The following CNTNAP2 variants were observed in gnomAD, a reference collection of about 807,000 sequenced individuals.
CNTNAP2 encodes the protein contactin associated protein 2.
In CNTNAP2, 98 loss-of-function variants were observed where a neutral mutation model predicts 155.2. The observed-to-expected ratio is 0.63, with a 90% CI of 0.54 to 0.75. The LOEUF (loss-of-function observed/expected upper bound fraction) is 0.75, where lower values mean the gene tolerates loss of function less well. CNTNAP2 is among the 30% of genes least tolerant of loss of function. The pLI, the probability that CNTNAP2 is intolerant of heterozygous loss-of-function variation, is 0.00. For missense variants in CNTNAP2, 1,727 were observed against 1,688.1 expected, an observed-to-expected ratio of 1.02 and a Z score of -0.40; for synonymous variants, 651 against 631.2, an observed-to-expected ratio of 1.03 and a Z score of -0.47.
chr7:148,060,392 A>G (rs1398706594), intron 15 of CNTNAP2, among the ~76,000 whole-genome samples: 3 of 152,194 alleles, frequency 2.0e-5, no homozygotes, highest in Admixed American at 6.5e-5. Flanking sequence ...ATATTAAATG[A>G]CCTGAAGCTT....
intron 3 of CNTNAP2, among the ~76,000 whole-genome samples, chr7:146,905,995 C>T (rs1026837120): frequency 2.6e-5 from 4 of 152,178 alleles, no homozygotes; most frequent in African/African-American, 7.2e-5. Context: ...ACCTGGGAAG[C>T]GCAAGGGGTC....
At chr7:147,933,540 G>GATAT (rs1554451581) in intron 14 of CNTNAP2, among the ~76,000 whole-genome samples, 1 of 92,904 alleles carries the variant, frequency 1.1e-5, no homozygotes, top group African/African-American at 2.8e-5. Flanking sequence ...TAGATAGATA[G>GATAT]ATATAACAGA....
Position 146,319,177 on chromosome 7 carries a change from T to C in CNTNAP2, c.97+202204T>C, listed in dbSNP as rs1800959386. Among the ~76,000 whole-genome samples, 3 of 152,154 alleles carry C rather than the reference T, an allele frequency of 2.0e-5. No individual in the cohort carries two copies. The South Asian group carries it at 6.2e-4, about 32-fold the overall frequency. ...CTTATCCTCTAGGTCAGATAACTTTTACTGTGCTTAGGATTTTAATGTCTT... is the reference window on the plus strand; with the variant it reads ...CTTATCCTCTAGGTCAGATAACTTTCACTGTGCTTAGGATTTTAATGTCTT... On this transcript the variant is annotated intron_variant, in intron 1 of 23. Coordinates refer to ENST00000361727, the MANE Select transcript of CNTNAP2 (RefSeq NM_014141.6).
At chr7:146,573,502 A>G (rs527618055) in intron 1 of CNTNAP2, among the ~76,000 whole-genome samples, 1 of 152,268 alleles carries the variant, frequency 6.6e-6, no homozygotes, top group East Asian at 1.9e-4. Flanking sequence ...GGGATGACAG[A>G]AACATTGCCT....
At chr7:146,997,531 G>A (rs545850366) in intron 3 of CNTNAP2, among the ~76,000 whole-genome samples, 208 of 152,146 alleles carry the variant, frequency 1.4e-3, no homozygotes, top group African/African-American at 4.7e-3. Context: ...AGTAGTTTGT[G>A]TTCAGATTTA....
At chr7:147,784,208 T>C (rs909521110) in intron 13 of CNTNAP2, among the ~76,000 whole-genome samples, 1 of 151,780 alleles carries the variant, frequency 6.6e-6, no homozygotes, top group African/African-American at 2.4e-5. Flanking sequence ...TGCAATGACC[T>C]GATTTCCAAA....
chr7:146,657,628 G>A (rs2129165217), intron 1 of CNTNAP2, among the ~76,000 whole-genome samples: 1 of 151,884 alleles, frequency 6.6e-6, no homozygotes, highest in South Asian at 2.1e-4. Context: ...TTTGAATACT[G>A]GTTTTGTTCT....
At chr7:147,322,770 T>C (rs1795376749) in intron 9 of CNTNAP2, among the ~76,000 whole-genome samples, 2 of 143,078 alleles carry the variant, frequency 1.4e-5, no homozygotes, top group Non-Finnish European at 3.0e-5. Flanking sequence ...ATTGGTCTAT[T>C]CAGAGATTCA....
At position 148,229,656 on chromosome 7, in the gene CNTNAP2, G is replaced by T. The variant is rs773491586; in HGVS notation, c.3258G>T (p.Gln1086His). ...TTTTTTCTTCTATAGGAAGCTTACA[G>T]ATTCGATACAACCTGGGTGGCACCC... ...AVLVKPTGSLQIRYNLGGTRE... is the reference protein window; with the variant it reads ...AVLVKPTGSLHIRYNLGGTRE... Residue 1086 changes from glutamine (Q) to histidine (H), a missense_variant, in exon 20 of 24, where the codon CAG becomes CAT. Coordinates refer to ENST00000361727, the MANE Select transcript of CNTNAP2 (RefSeq NM_014141.6). 9.9e-6 allele frequency: 16 copies of T among 1,614,024 alleles called. No individual in the cohort carries two copies. The highest frequency in any genetic ancestry group is 1.7e-5 in the Admixed American group (1 of 60,012).
intron 1 of CNTNAP2, among the ~76,000 whole-genome samples, chr7:146,569,971 T>C (rs918369467): frequency 6.6e-6 from 1 of 152,196 alleles, no homozygotes; most frequent in Non-Finnish European, 1.5e-5. Flanking sequence ...CCAAGGCCTA[T>C]TTCAGGGGCT....
At chr7:147,460,215 A>G (rs1473822234) in intron 10 of CNTNAP2, among the ~76,000 whole-genome samples, 4 of 152,060 alleles carry the variant, frequency 2.6e-5, no homozygotes, top group African/African-American at 9.7e-5. Context: ...CTGCCAAAAG[A>G]AAATGTATAC....
At chr7:146,638,919 C>T (rs577770362) in intron 1 of CNTNAP2, among the ~76,000 whole-genome samples, 9 of 152,202 alleles carry the variant, frequency 5.9e-5, no homozygotes, top group Middle Eastern at 3.4e-3. Context: ...TATGGTATAA[C>T]CTATGGTTCC....
chr7:147,830,134 G>A lies in CNTNAP2; in HGVS notation c.2099-73431G>A, dbSNP rs190118620. On this transcript the variant is annotated intron_variant, in intron 13 of 23. Coordinates refer to ENST00000361727, the MANE Select transcript of CNTNAP2 (RefSeq NM_014141.6). ...TGAGATTGTGAGTGGCTTGGAGTAC[G>A]TACTGTCTCAGTCCATTCGGGTTGC... is the stretch of plus-strand genomic sequence containing the variant. 1.4e-3 allele frequency among the ~76,000 whole-genome samples: 203 copies of A among 149,714 alleles called. 1 individual carries two copies. Among genetic ancestry groups the A allele is most frequent in the African/African-American group, 4.6e-3 (186 of 40,546 alleles).
At chr7:147,891,027 G>A (rs1353821943) in intron 13 of CNTNAP2, among the ~76,000 whole-genome samples, 1 of 152,114 alleles carries the variant, frequency 6.6e-6, no homozygotes, top group African/African-American at 2.4e-5. Flanking sequence ...AAAACATCAT[G>A]TTGTATGTGT....
intron 10 of CNTNAP2, among the ~76,000 whole-genome samples, chr7:147,477,283 G>T (rs1382984859): frequency 6.6e-6 from 1 of 152,040 alleles, no homozygotes; most frequent in African/African-American, 2.4e-5. Context: ...AAACTTCCTT[G>T]TTATATAAGA....
chr7:146,929,042 T>C (rs570788581), intron 3 of CNTNAP2, among the ~76,000 whole-genome samples: 113 of 152,334 alleles, frequency 7.4e-4, no homozygotes, highest in Middle Eastern at 3.4e-3. Flanking sequence ...CAGTAACCTC[T>C]GCAGACTTAA....
intron 3 of CNTNAP2, among the ~76,000 whole-genome samples, chr7:146,922,325 T>G (rs1796518563): frequency 6.6e-6 from 1 of 152,064 alleles, no homozygotes; most frequent in Non-Finnish European, 1.5e-5. Flanking sequence ...TGATTTTGCT[T>G]TTATTGACAT....
chr7:147,607,410 TTC>T (rs371712227), intron 12 of CNTNAP2, among the ~76,000 whole-genome samples: 15 of 148,972 alleles, frequency 1.0e-4, no homozygotes, highest in Non-Finnish European at 1.2e-4. Flanking sequence ...CTCTCTTCCT[TTC>T]TCTCTCTCTC....
Position 148,383,630 on chromosome 7 carries a change from ATTTC to A in CNTNAP2, c.3476-15_3476-12del, listed in dbSNP as rs1554427506. ...CTATGGTGAGTCAAGTAACATTTTC[ATTTC>A]TTTTTTTCTTTTAGAAACAGGGAAA... On this transcript the variant is annotated splice_polypyrimidine_tract_variant and intron_variant, in intron 21 of 23. Transcript: ENST00000361727. 6.2e-7 allele frequency: 1 copy of A among 1,614,170 alleles called. No homozygotes were observed. The highest frequency in any genetic ancestry group is 2.2e-5 in the East Asian group (1 of 44,870).
Sources: allele counts gnomAD v4.1 joint callset (sites outside exome capture counted in the v4.1 genomes callset), GRCh38; gene constraint gnomAD v4.1.1; transcripts MANE v1.5; gene names NCBI Gene and HGNC (gene_info 2026-07-23, HGNC 2026-07-21).